The following FAM153A variants were observed in gnomAD, a reference collection of about 807,000 sequenced individuals.
FAM153A encodes family with sequence similarity 153 member A.
FAM153A carries 12 observed loss-of-function variants against 48.1 expected under a neutral mutation model. The ratio of observed to expected loss-of-function variants is 0.25; its 90% CI spans 0.16 to 0.40. The LOEUF (loss-of-function observed/expected upper bound fraction) is 0.40. FAM153A is among the 10% of genes least tolerant of loss of function. FAM153A has a pLI of 1.00. For synonymous variants in FAM153A, 36 were observed against 118.2 expected (o/e 0.30, Z 4.51); for missense variants, 111 against 345.8 (o/e 0.32, Z 5.38).
In FAM153A at chr5:177,750,985, CT is replaced by C; in HGVS notation, c.98del (p.Glu33GlyfsTer57). 1 of 998,688 alleles carries C rather than the reference CT, an allele frequency of 1.0e-6. No individual in the cohort carries two copies. The highest frequency in any genetic ancestry group is 1.4e-6 in the Non-Finnish European group (1 of 690,004). The allele number at this position is 998,688 out of a possible 1,614,324, so 61.9% of individuals were successfully genotyped here. The stretch of plus-strand genomic sequence containing the variant: ...AGTGATAGGTGATTGGCTTCTCACG[CT>C]CGCGGTGGCAGACGGTGGATTCCCC... On this transcript the variant is annotated frameshift_variant, in exon 2 of 21. Coordinates refer to ENST00000614127, the Ensembl canonical transcript of FAM153A. LOFTEE classifies it high-confidence loss of function.
chr5:177,706,874 G>C (rs929215738), downstream of FAM153A: 4 of 151,908 alleles, frequency 2.6e-5, no homozygotes, highest in Admixed American at 6.6e-5. Flanking sequence ...GAAATGAAAG[G>C]TGTTACCAAA....
intron 16 of FAM153A, 139 bp from the exon 19 acceptor site, chr5:177,729,694 C>G: frequency 1.3e-6 from 2 of 1,526,152 alleles, no homozygotes; most frequent in Admixed American, 3.9e-5. Context: ...GTCCATCCTC[C>G]GTGGTGGAGA....
the FAM153A span, among the ~76,000 whole-genome samples, chr5:177,698,315 A>C: frequency 1.3e-5 from 2 of 151,950 alleles, no homozygotes; most frequent in Non-Finnish European, 2.9e-5. Context: ...TCAGGTGTGC[A>C]AACAGTATAG....
chr5:177,753,102 AT>A (rs1767250822), intron 1 of FAM153A: 1 of 1,113,370 alleles, frequency 9.0e-7, no homozygotes, highest in African/African-American at 1.6e-5. Context: ...AAAAATCAGA[AT>A]GACATTTAAC....
At chr5:177,781,264 A>AC (rs1769624750), upstream of FAM153A, among the ~76,000 whole-genome samples, 2 of 75,308 alleles carry the variant, frequency 2.7e-5, no homozygotes, top group Admixed American at 1.5e-4. Context: ...ACGCCCGGCT[A>AC]TTTTTTTTTT....
downstream of FAM153A, among the ~76,000 whole-genome samples, chr5:177,709,952 C>T (rs1254751454): frequency 1.6e-5 from 2 of 121,432 alleles, no homozygotes; most frequent in South Asian, 2.9e-4. Flanking sequence ...CATGAGCCAC[C>T]GCGCCCAGCT....
the FAM153A span, among the ~76,000 whole-genome samples, chr5:177,702,385 C>G: frequency 2.9e-3 from 443 of 151,866 alleles, 9 homozygotes; most frequent in African/African-American, 0.01. Flanking sequence ...ACAACCTACA[C>G]TCATATGCAT....
At position 177,778,279 on chromosome 5, in the gene FAM153A, A is replaced by G. The variant is rs1452400207; in HGVS notation, c.-57+2170T>C. Among the ~76,000 whole-genome samples, 23 of 85,972 alleles carry G rather than the reference A, an allele frequency of 2.7e-4. 6 individuals carry two copies. The highest frequency in any genetic ancestry group is 3.9e-4 in the Non-Finnish European group (17 of 43,296). 56.4% of individuals were successfully genotyped at this position (85,972 alleles called of 152,430 possible). On this transcript the variant is annotated intron_variant, in intron 1 of 8. Transcript: ENST00000393518. Reference sequence around the variant, plus strand: ...AGTATAATAAAAAAAAAAAAAAAAAAAAAAAAGAAATAAGTGAAGCAATTG... The same window carrying G: ...AGTATAATAAAAAAAAAAAAAAAAAGAAAAAAGAAATAAGTGAAGCAATTG...
At chr5:177,753,951 A>G (rs1767379009), upstream of FAM153A, among the ~76,000 whole-genome samples, 1 of 151,926 alleles carries the variant, frequency 6.6e-6, no homozygotes, top group Admixed American at 6.5e-5. Context: ...CAACTGAGGT[A>G]TCAGGCTCAC....
chr5:177,781,372 C>T (rs1769646752), upstream of FAM153A, among the ~76,000 whole-genome samples: 1 of 144,700 alleles, frequency 6.9e-6, no homozygotes. Context: ...CCGCCCACCT[C>T]GGCCTCCCAA....
the FAM153A span, among the ~76,000 whole-genome samples, chr5:177,696,242 C>T: frequency 9.5e-5 from 13 of 137,460 alleles, no homozygotes; most frequent in East Asian, 2.3e-4. Flanking sequence ...CGGGCAGAGG[C>T]GCTCCTCACT....
At chr5:177,715,060 T>C (rs1274140904) in intron 25 of FAM153A, among the ~76,000 whole-genome samples, 3 of 139,430 alleles carry the variant, frequency 2.2e-5, no homozygotes, top group Non-Finnish European at 1.6e-5. Context: ...ATTGTACTTG[T>C]AACACAGCTA....
rs1765182649 is a variant in FAM153A at position 177,739,242 on chromosome 5, G to A, written c.538-105C>T. The A allele has an allele frequency of 5.6e-6, 7 of 1,254,686 alleles. No homozygotes were observed. In the South Asian group the frequency reaches 7.7e-5, roughly 14 times the overall value. The allele number at this position is 1,254,686 out of a possible 1,614,324, so 77.7% of individuals were successfully genotyped here. A position where few individuals can be genotyped will look rare whatever the true frequency, so the allele number is the denominator to read the frequency against. ...ATTAGAAAACCAGATGGGAAATTCT[G>A]GTGGAGGCAATGGCCACAAAAATAA... On this transcript the variant is annotated intron_variant, in intron 9 of 20. Transcript: ENST00000614127.
At chr5:177,707,394 G>A (rs1757963954), downstream of FAM153A, among the ~76,000 whole-genome samples, 1 of 151,624 alleles carries the variant, frequency 6.6e-6, no homozygotes, top group Non-Finnish European at 1.5e-5. Context: ...TATAAATAAT[G>A]GTAATGGTCA....
chr5:177,697,361 T>C, the FAM153A span, among the ~76,000 whole-genome samples: 1 of 151,874 alleles, frequency 6.6e-6, no homozygotes, highest in Non-Finnish European at 1.5e-5. Flanking sequence ...GTGGTTTTGC[T>C]GTCAGTGCTG....
upstream of FAM153A, among the ~76,000 whole-genome samples, chr5:177,755,865 C>T (rs1343097180): frequency 6.7e-6 from 1 of 149,438 alleles, no homozygotes; most frequent in East Asian, 1.9e-4. Context: ...CAACCGGTAC[C>T]AGCCACTGTA....
the FAM153A span, among the ~76,000 whole-genome samples, chr5:177,696,302 T>G: frequency 1.1e-5 from 1 of 91,480 alleles, no homozygotes; most frequent in Non-Finnish European, 2.2e-5. Context: ...CCAGACGGGG[T>G]GGCGGCCGGG....
rs762207578 is a variant in FAM153A at position 177,744,947 on chromosome 5, G to A, written c.280C>T (p.Arg94Trp). The A allele has an allele frequency of 4.3e-5, 42 of 982,798 alleles. No individual in the cohort carries two copies. The highest frequency in any genetic ancestry group is 5.1e-5 in the Non-Finnish European group (35 of 686,376). 60.9% of individuals were successfully genotyped at this position (982,798 alleles called of 1,614,324 possible). ...TATAGGTGGAGCTCCCGTAGTCGCC[G>A]TAGTTGCCGTTTCATCTCAACTAGG... Residue 94 changes from arginine to tryptophan, a missense_variant, in exon 5 of 21, where the codon CGG (arginine) becomes TGG (tryptophan). Arg to Trp is a moderately radical substitution (Grantham distance 101). This residue lies in a region of FAM153A where 6 missense variants were observed against 88.9 expected (regional missense o/e 0.07). Transcript: ENST00000614127.
chr5:177,754,689 G>A (rs1198453184), upstream of FAM153A, among the ~76,000 whole-genome samples: 2 of 151,856 alleles, frequency 1.3e-5, no homozygotes, highest in Non-Finnish European at 2.9e-5. Flanking sequence ...AATATTCGCT[G>A]TTCTGCAGCC....
Sources: allele counts gnomAD v4.1 joint callset (sites outside exome capture counted in the v4.1 genomes callset), GRCh38; gene constraint gnomAD v4.1.1; regional missense constraint gnomAD v4.1.1; transcripts MANE v1.5; gene names NCBI Gene and HGNC (gene_info 2026-07-23, HGNC 2026-07-21).